The following UBE2U variants were observed in gnomAD, a reference collection of about 807,000 sequenced individuals.
UBE2U encodes ubiquitin-conjugating enzyme E2 U.
UBE2U carries 39 observed loss-of-function variants against 41.2 expected under a neutral mutation model. That is an observed-to-expected ratio of 0.95 (90% confidence interval 0.73 to 1.24). The LOEUF (loss-of-function observed/expected upper bound fraction) is 1.24. Among genes scored for constraint, UBE2U ranks in the 50% most tolerant of loss-of-function variants. The probability of loss-of-function intolerance (pLI) is 0.00; values close to 1 mark genes in which losing one functional copy is unlikely to be tolerated. For synonymous variants in UBE2U, 107 were observed against 117.8 expected, an observed-to-expected ratio of 0.91 and a Z score of 0.60; for missense variants, 336 against 363.1, an observed-to-expected ratio of 0.93 and a Z score of 0.61.
intron 8 of UBE2U, among the ~76,000 whole-genome samples, chr1:64,252,207 C>T (rs1557744002): frequency 6.6e-6 from 1 of 152,108 alleles, no homozygotes. Context: ...AGGGGGCCTT[C>T]AGTCACTCTA....
intron 8 of UBE2U, among the ~76,000 whole-genome samples, chr1:64,252,533 G>A (rs1374506576): frequency 6.6e-6 from 1 of 152,192 alleles, no homozygotes; most frequent in African/African-American, 2.4e-5. Flanking sequence ...CTAGGATGGA[G>A]CTTCCAGAGA....
chr1:64,239,129 G>T (rs1342677633), intron 7 of UBE2U, among the ~76,000 whole-genome samples: 17 of 26,292 alleles, frequency 6.5e-4, no homozygotes, highest in African/African-American at 3.4e-3. Flanking sequence ...AGAAGAAGAA[G>T]AAGAAGAAGA....
intron 6 of UBE2U, among the ~76,000 whole-genome samples, chr1:64,228,855 A>ATTTTT (rs56873849): frequency 3.2e-5 from 3 of 93,898 alleles, no homozygotes; most frequent in African/African-American, 4.7e-5. Flanking sequence ...TGCCCAGGTA[A>ATTTTT]TTTTTTTTTT....
At chr1:64,245,841 C>T (rs182291233) in intron 8 of UBE2U, among the ~76,000 whole-genome samples, 14 of 152,250 alleles carry the variant, frequency 9.2e-5, no homozygotes, top group Admixed American at 9.2e-4. Context: ...ACGCCCCAGA[C>T]ATTCCGTAAA....
intron 2 of UBE2U, among the ~76,000 whole-genome samples, chr1:64,206,554 A>G (rs1014008984): frequency 1.3e-5 from 2 of 151,744 alleles, no homozygotes; most frequent in African/African-American, 4.8e-5. Context: ...GGAAAGGACT[A>G]GTGGGAAAGA....
chr1:64,239,138 GA>G lies in UBE2U; in HGVS notation c.596-2512del, dbSNP rs1456152455. ...AGAAGAAGAAGAAGAAGAAGAAGAA[GA>G]AGAAGAAGAAGAAGAAGAAAGAAGA... is the stretch of plus-strand genomic sequence containing the variant. On this transcript the variant is annotated intron_variant, in intron 7 of 9. Coordinates refer to ENST00000371077, the MANE Select transcript of UBE2U (RefSeq NM_001366232.2). 5.8e-3 allele frequency among the ~76,000 whole-genome samples: 173 copies of G among 29,794 alleles called. 5 individuals are homozygous for G. Among genetic ancestry groups the G allele is most frequent in the African/African-American group, 0.015 (83 of 5,406 alleles). The allele number at this position is 29,794 out of a possible 152,430, so 19.5% of individuals were successfully genotyped here.
intron 7 of UBE2U, among the ~76,000 whole-genome samples, chr1:64,236,111 C>T (rs1268171040): frequency 6.6e-6 from 1 of 152,144 alleles, no homozygotes; most frequent in Non-Finnish European, 1.5e-5. Context: ...TTCTTAACCT[C>T]TCTGTGTCCC....
At chr1:64,227,456 T>G (rs1032076990) in intron 6 of UBE2U, among the ~76,000 whole-genome samples, 2 of 152,190 alleles carry the variant, frequency 1.3e-5, no homozygotes, top group Non-Finnish European at 2.9e-5. Flanking sequence ...GATTAAAAAT[T>G]AACTATGTTT....
intron 6 of UBE2U, among the ~76,000 whole-genome samples, chr1:64,222,349 T>G (rs749763497): frequency 2.6e-5 from 4 of 152,164 alleles, no homozygotes; most frequent in Non-Finnish European, 5.9e-5. Context: ...TTATTACTCT[T>G]TATGGTATAG....
chr1:64,209,926 G>T (rs953391622), intron 3 of UBE2U, among the ~76,000 whole-genome samples: 1 of 152,020 alleles, frequency 6.6e-6, no homozygotes, highest in African/African-American at 2.4e-5. Flanking sequence ...CACCTTTGTT[G>T]ATTCTTATTT....
At chr1:64,239,139 A>AGAAG (rs1644759635) in intron 7 of UBE2U, among the ~76,000 whole-genome samples, 1 of 26,860 alleles carries the variant, frequency 3.7e-5, no homozygotes, top group African/African-American at 1.9e-4. Context: ...GAAGAAGAAG[A>AGAAG]AGAAGAAGAA....
intron 6 of UBE2U, among the ~76,000 whole-genome samples, chr1:64,225,018 A>G (rs2100349437): frequency 6.6e-6 from 1 of 152,214 alleles, no homozygotes; most frequent in South Asian, 2.1e-4. Context: ...CAATTCTTCC[A>G]TTTACTATGT....
At chr1:64,255,954 G>A (rs1069698) in intron 8 of UBE2U, among the ~76,000 whole-genome samples, 1,888 of 152,004 alleles carry the variant, frequency 0.012, 29 homozygotes, top group African/African-American at 0.043. Flanking sequence ...TGCAAAAATT[G>A]CTATTATTCC....
chr1:64,214,897 G>C lies in UBE2U; in HGVS notation c.422G>C (p.Arg141Thr). The change falls in exon 5 of 10, where the codon AGA becomes ACA. Residue 141 changes from arginine (R) to threonine (T), a missense_variant. Transcript: ENST00000371077. Reference sequence around the variant, plus strand: ...CTGGTTAAAGATGAATCTCTGTACAGAACAATTCTAAGACTTTTCAACAGG... The same window carrying C: ...CTGGTTAAAGATGAATCTCTGTACACAACAATTCTAAGACTTTTCAACAGG... ...RILVKDESLY[R>T]TILRLFNRPL... is the part of the protein sequence containing the mutation. The C allele has an allele frequency of 1.2e-6, 2 of 1,614,140 alleles. No individual in the cohort carries two copies. Among genetic ancestry groups the C allele is most frequent in the Non-Finnish European group, 1.7e-6 (2 of 1,179,984 alleles).
At chr1:64,264,961 T>A (rs1645234053) in intron 9 of UBE2U, among the ~76,000 whole-genome samples, 3 of 151,594 alleles carry the variant, frequency 2.0e-5, no homozygotes, top group South Asian at 2.1e-4. Flanking sequence ...AAAAAAAAAA[T>A]TAAATTAAAT....
At chr1:64,266,904 G>T in intron 9 of UBE2U, 120 bp from the exon 10 acceptor site, 1 of 825,888 alleles carries the variant, frequency 1.2e-6, no homozygotes, top group Non-Finnish European at 1.9e-6. Flanking sequence ...TGTATAAAAG[G>T]TTGCTCACAT....
intron 7 of UBE2U, among the ~76,000 whole-genome samples, chr1:64,239,066 G>GA (rs1452795235): frequency 1.5e-5 from 1 of 66,996 alleles, no homozygotes; most frequent in Non-Finnish European, 2.9e-5. Context: ...AGAAGAAGAA[G>GA]AGGAAGAGGA....
chr1:64,229,935 T>G (rs1644521367), intron 6 of UBE2U, among the ~76,000 whole-genome samples: 2 of 152,342 alleles, frequency 1.3e-5, no homozygotes, highest in Admixed American at 6.5e-5. Flanking sequence ...TCATTTTGAC[T>G]TGTCTGTACT....
intron 8 of UBE2U, among the ~76,000 whole-genome samples, chr1:64,256,609 A>G (rs1218509386): frequency 3.3e-5 from 5 of 152,222 alleles, no homozygotes; most frequent in Non-Finnish European, 5.9e-5. Flanking sequence ...ACCTTACACA[A>G]AAATTAGCTC....
Sources: gnomAD v4.1 joint callset for allele counts (sites outside exome capture counted in the v4.1 genomes callset) on GRCh38, gnomAD v4.1.1 for gene constraint, MANE v1.5 for transcripts, NCBI Gene and HGNC (gene_info 2026-07-23, HGNC 2026-07-21) for gene names.